Variants in CDH13 observed in about 807,000 individuals in gnomAD.
The protein encoded by CDH13 is cadherin 13, also known as cadherin-13.
In CDH13, 24 loss-of-function variants were observed where a neutral mutation model predicts 63.8. The observed-to-expected ratio is 0.38, with a 90% CI of 0.27 to 0.53. The LOEUF (loss-of-function observed/expected upper bound fraction) is 0.53. Ranked by LOEUF, CDH13 falls within the 20% of genes least tolerant of loss-of-function variation. CDH13 has a pLI of 0.85. For synonymous variants in CDH13, 503 were observed against 355.3 expected (o/e 1.42, Z -4.67); for missense variants, 1,049 against 903.1 (o/e 1.16, Z -2.07).
intron 2 of CDH13, among the ~76,000 whole-genome samples, chr16:82,973,738 A>G (rs915935664): frequency 1.3e-5 from 2 of 152,204 alleles, no homozygotes; most frequent in African/African-American, 2.4e-5. Context: ...CTTCTATCCC[A>G]TGACATTTCC....
At chr16:83,721,612 C>T (rs1909701844) in intron 10 of CDH13, 1 of 152,206 alleles carries the variant, frequency 6.6e-6, no homozygotes, top group Admixed American at 6.5e-5. Context: ...ATGTACACCA[C>T]TTGGTCCTAC....
intron 4 of CDH13, among the ~76,000 whole-genome samples, chr16:83,143,806 A>G (rs911620260): frequency 6.6e-6 from 1 of 150,826 alleles, no homozygotes; most frequent in Non-Finnish European, 1.5e-5. Flanking sequence ...CTCACCCACT[A>G]CTCCTCTTTG....
chr16:83,161,112 C>G (rs2037425673), intron 4 of CDH13, among the ~76,000 whole-genome samples: 1 of 152,180 alleles, frequency 6.6e-6, no homozygotes, highest in East Asian at 1.9e-4. Context: ...TTCCTGAAAG[C>G]TTTGAATTTT....
At chr16:83,443,111 A>G (rs748921836) in intron 6 of CDH13, among the ~76,000 whole-genome samples, 1 of 152,218 alleles carries the variant, frequency 6.6e-6, no homozygotes, top group Non-Finnish European at 1.5e-5. Flanking sequence ...GCAACTGAAA[A>G]ATCGCTCAGA....
intron 6 of CDH13, among the ~76,000 whole-genome samples, chr16:83,391,894 G>C (rs904075616): frequency 1.3e-5 from 2 of 152,198 alleles, no homozygotes; most frequent in African/African-American, 4.8e-5. Context: ...GTAAAATCGA[G>C]TTGGGTTCTA....
At chr16:83,434,904 C>A (rs969536110) in intron 6 of CDH13, among the ~76,000 whole-genome samples, 11 of 95,682 alleles carry the variant, frequency 1.1e-4, no homozygotes, top group South Asian at 4.1e-4. Context: ...AAATAAACCC[C>A]TATTTTATTT....
Position 83,501,459 on chromosome 16 carries a change from A to AG in CDH13, c.960+14804_960+14805insG, listed in dbSNP as rs5818450. 2.0e-5 allele frequency among the ~76,000 whole-genome samples: 3 copies of AG among 152,250 alleles called. No individual in the cohort carries two copies. In the South Asian group the frequency reaches 6.2e-4, roughly 31 times the overall value. ...TTCTGGAATAAGCAAGAGTCAAGAG[A>AG]TTCTCCATTCTTATTTCCTCTGCAT... is the stretch of plus-strand genomic sequence containing the variant. On this transcript the variant is annotated intron_variant, in intron 7 of 13. Coordinates refer to ENST00000567109, the MANE Select transcript of CDH13 (RefSeq NM_001257.5).
At chr16:83,077,817 G>C (rs894452401) in intron 3 of CDH13, among the ~76,000 whole-genome samples, 1 of 152,140 alleles carries the variant, frequency 6.6e-6, no homozygotes, top group Non-Finnish European at 1.5e-5. Context: ...ATCCTCTTCC[G>C]GATAACGCGT....
intron 10 of CDH13, among the ~76,000 whole-genome samples, chr16:83,710,019 T>C (rs1366923277): frequency 1.3e-5 from 2 of 152,186 alleles, no homozygotes; most frequent in Non-Finnish European, 2.9e-5. Flanking sequence ...ACTAGAAAGG[T>C]GGTGATCTTG....
intron 4 of CDH13, among the ~76,000 whole-genome samples, chr16:83,165,941 C>A (rs1049984195): frequency 6.6e-6 from 1 of 152,068 alleles, no homozygotes; most frequent in East Asian, 1.9e-4. Flanking sequence ...GTGGGAGAGG[C>A]TGGAGGGCCT....
rs781232835 is a variant in CDH13 at position 83,602,480 on chromosome 16, G to T, written c.987G>T (p.Leu329=). 1 of 1,613,940 alleles carries T rather than the reference G, an allele frequency of 6.2e-7. No individual in the cohort carries two copies. The highest frequency in any genetic ancestry group is 1.1e-5 in the South Asian group (1 of 91,080). ...CTCTGGAAAATCCCAAGTATGAACT[G>T]ATCATCGAGGCTCAAGATATGGCTG... ...RETLENPKYE[L]IIEAQDMAGL... is the part of the protein sequence containing the mutation. The change falls in exon 8 of 14, where the codon CTG becomes CTT. Residue 329 remains leucine (L), a synonymous_variant. Transcript: ENST00000567109.
At chr16:83,663,743 C>A (rs1913665839) in intron 8 of CDH13, among the ~76,000 whole-genome samples, 1 of 152,136 alleles carries the variant, frequency 6.6e-6, no homozygotes, top group South Asian at 2.1e-4. Context: ...GAATTCTCAC[C>A]TCTAGCATCT....
intron 5 of CDH13, among the ~76,000 whole-genome samples, chr16:83,285,645 A>G (rs950473546): frequency 6.6e-6 from 1 of 152,186 alleles, no homozygotes; most frequent in Non-Finnish European, 1.5e-5. Context: ...GGATGTTGGA[A>G]GGGTGTTCAT....
At chr16:82,769,186 A>G (rs112672127) in intron 1 of CDH13, among the ~76,000 whole-genome samples, 23 of 152,298 alleles carry the variant, frequency 1.5e-4, no homozygotes, top group African/African-American at 5.5e-4. Context: ...AATTAACCCA[A>G]CACCATGTAA....
At chr16:83,205,338 G>A (rs1227310726) in intron 4 of CDH13, among the ~76,000 whole-genome samples, 2 of 151,956 alleles carry the variant, frequency 1.3e-5, no homozygotes, top group Non-Finnish European at 2.9e-5. Context: ...GGTACTGATT[G>A]GCAATTTGGG....
At chr16:83,586,829 C>T (rs1906208354) in intron 7 of CDH13, among the ~76,000 whole-genome samples, 1 of 152,130 alleles carries the variant, frequency 6.6e-6, no homozygotes, top group South Asian at 2.1e-4. Context: ...CTCCCTGGTC[C>T]ACGAATTAGC....
chr16:82,920,853 G>A (rs1055862233), intron 2 of CDH13, among the ~76,000 whole-genome samples: 2 of 152,176 alleles, frequency 1.3e-5, no homozygotes, highest in Non-Finnish European at 2.9e-5. Flanking sequence ...CACTAAGTAT[G>A]ATGCTCCCTG....
intron 10 of CDH13, among the ~76,000 whole-genome samples, chr16:83,694,862 A>T (rs1419975575): frequency 6.6e-6 from 1 of 152,036 alleles, no homozygotes; most frequent in Non-Finnish European, 1.5e-5. Context: ...ATACCGAAAA[A>T]CTCAATCATC....
At chr16:83,579,600 C>G (rs1226416814) in intron 7 of CDH13, among the ~76,000 whole-genome samples, 1 of 152,070 alleles carries the variant, frequency 6.6e-6, no homozygotes, top group African/African-American at 2.4e-5. Flanking sequence ...GTTCCTCCTC[C>G]CACATTGGGG....
Sources: gnomAD v4.1 joint callset for allele counts (sites outside exome capture counted in the v4.1 genomes callset) on GRCh38, gnomAD v4.1.1 for gene constraint, MANE v1.5 for transcripts, NCBI Gene and HGNC (gene_info 2026-07-23, HGNC 2026-07-21) for gene names.